ALPK2: variants seen among roughly 807,000 people sequenced by gnomAD.
ALPK2 encodes the protein alpha-protein kinase 2.
ALPK2 carries 127 observed loss-of-function variants against 163.1 expected under a neutral mutation model. The observed-to-expected ratio is 0.78, with a 90% CI of 0.67 to 0.90. The LOEUF is 0.90. ALPK2 is among the 40% of genes least tolerant of loss of function. The pLI is 0.00. For missense variants in ALPK2, 2,360 were observed against 2,589.6 expected, an observed-to-expected ratio of 0.91 and a Z score of 1.92; for synonymous variants, 953 against 959.1, an observed-to-expected ratio of 0.99 and a Z score of 0.12.
At chr18:58,541,335 T>G (rs2051688712) in intron 4 of ALPK2, among the ~76,000 whole-genome samples, 1 of 152,154 alleles carries the variant, frequency 6.6e-6, no homozygotes, top group African/African-American at 2.4e-5. Context: ...TCACAAGAAC[T>G]CACTCATTGT....
At chr18:58,527,568 G>C (rs975407357) in intron 6 of ALPK2, among the ~76,000 whole-genome samples, 30 of 152,232 alleles carry the variant, frequency 2.0e-4, no homozygotes, top group Admixed American at 1.8e-3. Context: ...TGGTAATTCT[G>C]AGCTCAGAGC....
At chr18:58,508,428 GA>G (rs2051472337) in intron 10 of ALPK2, among the ~76,000 whole-genome samples, 1 of 152,206 alleles carries the variant, frequency 6.6e-6, no homozygotes, top group Non-Finnish European at 1.5e-5. Context: ...GTCACAGGAT[GA>G]GATAGGAGGT....
At chr18:58,519,185 C>T (rs536085744) in intron 8 of ALPK2, among the ~76,000 whole-genome samples, 1 of 151,996 alleles carries the variant, frequency 6.6e-6, no homozygotes, top group Non-Finnish European at 1.5e-5. Context: ...AGTAACGGAA[C>T]CAGGAAAAAA....
At chr18:58,580,694 CA>C in intron 3 of ALPK2, 146 bp from the exon 4 acceptor site, 1 of 797,430 alleles carries the variant, frequency 1.3e-6, no homozygotes, top group Non-Finnish European at 2.0e-6. Context: ...AGTTTGTGGC[CA>C]AAGGCAACTG....
chr18:58,623,431 C>T (rs931198094), intron 1 of ALPK2, among the ~76,000 whole-genome samples: 3 of 152,064 alleles, frequency 2.0e-5, no homozygotes, highest in African/African-American at 4.8e-5. Context: ...TAAAAAGGGC[C>T]GTAGGGTGCA....
chr18:58,610,989 G>A (rs920166227), intron 2 of ALPK2, among the ~76,000 whole-genome samples: 1 of 151,816 alleles, frequency 6.6e-6, no homozygotes, highest in Non-Finnish European at 1.5e-5. Context: ...AGCTACTTGG[G>A]AGGCTGAGGT....
At chr18:58,548,048 T>C (rs2051727972) in intron 4 of ALPK2, among the ~76,000 whole-genome samples, 1 of 152,218 alleles carries the variant, frequency 6.6e-6, no homozygotes, top group African/African-American at 2.4e-5. Context: ...AAGCAAGTTC[T>C]TGTAAACTTT....
intron 1 of ALPK2, among the ~76,000 whole-genome samples, chr18:58,619,919 A>T (rs1193855549): frequency 3.3e-5 from 5 of 152,400 alleles, no homozygotes; most frequent in Admixed American, 1.3e-4. Context: ...AAATAACCTA[A>T]CGGTCCAACT....
chr18:58,545,426 G>A (rs1265659706), intron 4 of ALPK2, among the ~76,000 whole-genome samples: 2 of 152,218 alleles, frequency 1.3e-5, no homozygotes, highest in Admixed American at 6.5e-5. Flanking sequence ...ACAGTGTCCC[G>A]TAGAGCAAGG....
At chr18:58,573,443 A>C (rs938306698) in intron 4 of ALPK2, among the ~76,000 whole-genome samples, 2 of 142,992 alleles carry the variant, frequency 1.4e-5, no homozygotes, top group Non-Finnish European at 3.0e-5. Flanking sequence ...GGGTCTTGCT[A>C]TGTTGCCCAG....
intron 1 of ALPK2, among the ~76,000 whole-genome samples, chr18:58,613,710 ATAATAAT>A (rs1435256571): frequency 0.07 from 5,897 of 84,756 alleles, 592 homozygotes; most frequent in African/African-American, 0.2. Context: ...AAAAAAAAAA[ATAATAAT>A]AATAATAATA....
chr18:58,536,512 ATATTCTT>A lies in ALPK2; in HGVS notation c.3668_3674del (p.Lys1223IlefsTer12). 6.2e-7 allele frequency: 1 copy of A among 1,613,822 alleles called. No homozygotes were observed. Among genetic ancestry groups the A allele is most frequent in the Non-Finnish European group, 8.5e-7 (1 of 1,180,012 alleles). ...TGCCTGCCTCCCAATTTCCAGGTCT[ATATTCTT>A]TAGACTCTTCCAAAAGGATATCAGA... On this transcript the variant is annotated frameshift_variant, in exon 5 of 13. Transcript: ENST00000361673.
At chr18:58,548,210 C>T (rs539980639) in intron 4 of ALPK2, among the ~76,000 whole-genome samples, 39 of 152,076 alleles carry the variant, frequency 2.6e-4, no homozygotes, top group Non-Finnish European at 4.6e-4. Flanking sequence ...GATGCTCATA[C>T]CAAAAAATGG....
At chr18:58,621,478 A>G (rs1444444514) in intron 1 of ALPK2, among the ~76,000 whole-genome samples, 1 of 152,104 alleles carries the variant, frequency 6.6e-6, no homozygotes, top group South Asian at 2.1e-4. Context: ...TCACTGTGTT[A>G]GCCAGGATGG....
intron 1 of ALPK2, among the ~76,000 whole-genome samples, chr18:58,619,503 C>T (rs985069011): frequency 1.3e-5 from 2 of 152,202 alleles, no homozygotes; most frequent in Non-Finnish European, 2.9e-5. Flanking sequence ...GTTTCTTAAT[C>T]CATTTCCCGT....
chr18:58,576,328 C>T (rs1039250065), intron 4 of ALPK2, among the ~76,000 whole-genome samples: 2 of 152,090 alleles, frequency 1.3e-5, no homozygotes, highest in African/African-American at 2.4e-5. Flanking sequence ...GAGCCGAGAT[C>T]GTACCATTGC....
intron 12 of ALPK2, among the ~76,000 whole-genome samples, chr18:58,487,467 T>A (rs1318841351): frequency 6.6e-6 from 1 of 152,206 alleles, no homozygotes; most frequent in African/African-American, 2.4e-5. Flanking sequence ...GACAATCAAT[T>A]TCTATCACTG....
At chr18:58,580,667 T>A in intron 3 of ALPK2, 119 bp from the exon 4 acceptor site, 1 of 983,104 alleles carries the variant, frequency 1.0e-6, no homozygotes, top group Non-Finnish European at 1.5e-6. Context: ...AGGAGATCTG[T>A]GATCTCCCTG....
intron 6 of ALPK2, among the ~76,000 whole-genome samples, chr18:58,528,095 A>T (rs1190151362): frequency 1.3e-5 from 2 of 152,200 alleles, no homozygotes; most frequent in Non-Finnish European, 2.9e-5. Flanking sequence ...TGAAGCTTGA[A>T]TTCATCAGTT....
Sources: gnomAD v4.1 joint callset for allele counts (sites outside exome capture counted in the v4.1 genomes callset) on GRCh38, gnomAD v4.1.1 for gene constraint, MANE v1.5 for transcripts, NCBI Gene and HGNC (gene_info 2026-07-23, HGNC 2026-07-21) for gene names.